The following CEP112 variants were observed in gnomAD, a reference collection of about 807,000 sequenced individuals.
CEP112 encodes the protein centrosomal protein 112, also known as centrosomal protein of 112 kDa.
In CEP112, 127 loss-of-function variants were observed where a neutral mutation model predicts 153.0. That is an observed-to-expected ratio of 0.83 (90% CI 0.72 to 0.96). The LOEUF (loss-of-function observed/expected upper bound fraction) is 0.96, where lower values mean the gene tolerates loss of function less well. Ranked by LOEUF, CEP112 falls within the 40% of genes least tolerant of loss-of-function variation. CEP112 has a pLI of 0.00. For missense variants in CEP112, 1,089 were observed against 1,101.2 expected, an observed-to-expected ratio of 0.99 and a Z score of 0.16; for synonymous variants, 358 against 374.4, an observed-to-expected ratio of 0.96 and a Z score of 0.51.
At chr17:66,066,378 T>C (rs952828152) in intron 10 of CEP112, among the ~76,000 whole-genome samples, 2 of 152,204 alleles carry the variant, frequency 1.3e-5, no homozygotes, top group Non-Finnish European at 2.9e-5. Context: ...TTTTACTAGA[T>C]AAAGAAGAAT....
At chr17:66,020,593 A>G (rs1333748877) in intron 16 of CEP112, among the ~76,000 whole-genome samples, 1 of 152,224 alleles carries the variant, frequency 6.6e-6, no homozygotes, top group Non-Finnish European at 1.5e-5. Context: ...GATATAAACC[A>G]TATGTAATTT....
intron 20 of CEP112, among the ~76,000 whole-genome samples, chr17:65,881,563 A>G (rs908390739): frequency 2.6e-5 from 4 of 152,220 alleles, no homozygotes; most frequent in African/African-American, 9.6e-5. Context: ...AGATGATCTC[A>G]GACAATCTTT....
At chr17:65,652,033 T>G (rs4491571) in intron 24 of CEP112, among the ~76,000 whole-genome samples, 107,663 of 152,098 alleles carry the variant, frequency 0.71, 39,997 homozygotes, top group East Asian at 0.95. Context: ...GTGTAAGGTG[T>G]TATACAAATG....
chr17:65,727,995 T>A (rs1032030699), intron 23 of CEP112, among the ~76,000 whole-genome samples: 15 of 152,264 alleles, frequency 9.9e-5, no homozygotes, highest in African/African-American at 3.6e-4. Context: ...TACAGCCAGC[T>A]GGCCAAATCT....
chr17:65,637,943 G>A (rs1324039240), intron 25 of CEP112, among the ~76,000 whole-genome samples: 2 of 152,188 alleles, frequency 1.3e-5, no homozygotes, highest in Non-Finnish European at 2.9e-5. Flanking sequence ...ACTTCATAGC[G>A]GAAAGAGCCT....
intron 17 of CEP112, among the ~76,000 whole-genome samples, chr17:65,998,729 T>A (rs2063895036): frequency 6.6e-6 from 1 of 152,118 alleles, no homozygotes; most frequent in Non-Finnish European, 1.5e-5. Flanking sequence ...ATATTAACTC[T>A]TCTAAGCCTC....
intron 21 of CEP112, among the ~76,000 whole-genome samples, chr17:65,834,997 T>A (rs1398249427): frequency 6.6e-6 from 1 of 152,072 alleles, no homozygotes; most frequent in Non-Finnish European, 1.5e-5. Context: ...ATATATACCA[T>A]GGAATACTAT....
At chr17:65,768,866 T>C (rs1460437678) in intron 21 of CEP112, among the ~76,000 whole-genome samples, 1 of 152,128 alleles carries the variant, frequency 6.6e-6, no homozygotes, top group African/African-American at 2.4e-5. Context: ...TTCTCTAAGA[T>C]CTGGTATAAG....
chr17:66,008,572 C>G (rs1692357629), intron 16 of CEP112, among the ~76,000 whole-genome samples: 1 of 152,008 alleles, frequency 6.6e-6, no homozygotes, highest in Non-Finnish European at 1.5e-5. Context: ...GTATAAAATG[C>G]CTGCCCTCAA....
At chr17:66,117,263 T>C (rs892844837) in intron 6 of CEP112, among the ~76,000 whole-genome samples, 1 of 152,070 alleles carries the variant, frequency 6.6e-6, no homozygotes, top group African/African-American at 2.4e-5. Flanking sequence ...GGAAACATAC[T>C]ACATAGAAAA....
At chr17:66,041,904 C>T (rs914393718) in intron 12 of CEP112, among the ~76,000 whole-genome samples, 3 of 152,152 alleles carry the variant, frequency 2.0e-5, no homozygotes, top group Non-Finnish European at 2.9e-5. Flanking sequence ...AAACTCCCTA[C>T]TTCTTAAACA....
intron 21 of CEP112, among the ~76,000 whole-genome samples, chr17:65,820,118 G>C (rs563739032): frequency 6.6e-6 from 1 of 152,110 alleles, no homozygotes; most frequent in South Asian, 2.1e-4. Context: ...TGTTAAAAAG[G>C]CATCTTCAAT....
chr17:66,102,347 G>T (rs1403684651), intron 6 of CEP112, among the ~76,000 whole-genome samples: 1 of 152,066 alleles, frequency 6.6e-6, no homozygotes, highest in Non-Finnish European at 1.5e-5. Context: ...TGCATAAATA[G>T]ATAAGGCTTT....
chr17:65,994,269 G>A (rs1344339423), intron 17 of CEP112, among the ~76,000 whole-genome samples: 2 of 152,158 alleles, frequency 1.3e-5, no homozygotes, highest in Admixed American at 1.3e-4. Context: ...CTTTCATTGA[G>A]TTGACCACAT....
At chr17:65,954,474 A>G (rs1651484284) in intron 18 of CEP112, among the ~76,000 whole-genome samples, 1 of 152,152 alleles carries the variant, frequency 6.6e-6, no homozygotes, top group Non-Finnish European at 1.5e-5. Context: ...CCAAGAGATC[A>G]TACCACCTCA....
chr17:65,895,040 T>C (rs893640917), intron 20 of CEP112, among the ~76,000 whole-genome samples: 1 of 152,058 alleles, frequency 6.6e-6, no homozygotes, highest in African/African-American at 2.4e-5. Flanking sequence ...AAATTAGCAA[T>C]ATAATGGATT....
intron 17 of CEP112, among the ~76,000 whole-genome samples, chr17:65,986,659 C>G (rs546649243): frequency 3.2e-4 from 49 of 152,098 alleles, no homozygotes; most frequent in African/African-American, 1.1e-3. Flanking sequence ...TCAAAACATA[C>G]TGAGAACTAT....
chr17:65,834,336 C>CA (rs1341367964), intron 21 of CEP112, among the ~76,000 whole-genome samples: 1 of 152,050 alleles, frequency 6.6e-6, no homozygotes, highest in Admixed American at 6.5e-5. Context: ...ACAACAAAAA[C>CA]AAAAGTTGAC....
intron 5 of CEP112, among the ~76,000 whole-genome samples, chr17:66,131,888 G>T (rs2070186467): frequency 6.6e-6 from 1 of 152,020 alleles, no homozygotes; most frequent in African/African-American, 2.4e-5. Context: ...GCTAACTGGG[G>T]CTGGGTGCAG....
Sources: allele counts gnomAD v4.1 joint callset (sites outside exome capture counted in the v4.1 genomes callset), GRCh38; gene constraint gnomAD v4.1.1; transcripts MANE v1.5; gene names NCBI Gene and HGNC (gene_info 2026-07-23, HGNC 2026-07-21).